Variants in TENM2 observed in about 807,000 individuals in gnomAD.
The protein encoded by TENM2 is teneurin transmembrane protein 2.
TENM2 carries 52 observed loss-of-function variants against 245.2 expected under a neutral mutation model. That is an observed-to-expected ratio of 0.21 (90% CI 0.17 to 0.27). The LOEUF is 0.27. TENM2 is among the 10% of genes least tolerant of loss of function. TENM2 has a pLI of 1.00. For synonymous variants in TENM2, 1,363 were observed against 1,438.9 expected, an observed-to-expected ratio of 0.95 and a Z score of 1.19; for missense variants, 3,046 against 3,666.8, an observed-to-expected ratio of 0.83 and a Z score of 4.37.
chr5:167,503,622 G>A (rs371070553), intron 2 of TENM2, among the ~76,000 whole-genome samples: 10 of 152,146 alleles, frequency 6.6e-5, no homozygotes, highest in East Asian at 5.8e-4. Flanking sequence ...GGCTGGGAAC[G>A]CTGGCTCATG....
intron 2 of TENM2, among the ~76,000 whole-genome samples, chr5:167,859,204 G>A (rs1178357498): frequency 1.5e-4 from 10 of 65,354 alleles, no homozygotes; most frequent in South Asian, 9.1e-4. Flanking sequence ...CGGCCGCCCC[G>A]TCTGAGAAGT....
intron 2 of TENM2, among the ~76,000 whole-genome samples, chr5:167,736,256 T>C (rs537401509): frequency 2.6e-5 from 4 of 152,200 alleles, no homozygotes; most frequent in Non-Finnish European, 5.9e-5. Flanking sequence ...CAGGAGGGGA[T>C]AAACTGCCCC....
chr5:167,974,982 G>A (rs1018579740), intron 4 of TENM2, among the ~76,000 whole-genome samples: 1 of 152,212 alleles, frequency 6.6e-6, no homozygotes. Context: ...CCCAGTTCAA[G>A]TCCAAGCCTT....
intron 5 of TENM2, among the ~76,000 whole-genome samples, chr5:168,032,317 T>C (rs1787217890): frequency 6.6e-6 from 1 of 152,234 alleles, no homozygotes; most frequent in Admixed American, 6.5e-5. Context: ...TGATTCTTAC[T>C]GAAAATTGCC....
chr5:167,458,616 GA>G (rs1207621584), intron 2 of TENM2, among the ~76,000 whole-genome samples: 2 of 150,248 alleles, frequency 1.3e-5, no homozygotes, highest in Non-Finnish European at 3.0e-5. Context: ...GTCATGCATA[GA>G]AAACTACATC....
chr5:167,840,036 G>C (rs1391503501), intron 2 of TENM2, among the ~76,000 whole-genome samples: 1 of 152,164 alleles, frequency 6.6e-6, no homozygotes, highest in Non-Finnish European at 1.5e-5. Flanking sequence ...AGCCAGGCTG[G>C]TCTCAAACTT....
chr5:168,089,675 A>G (rs554436010), intron 7 of TENM2, among the ~76,000 whole-genome samples: 14 of 152,348 alleles, frequency 9.2e-5, no homozygotes, highest in African/African-American at 2.6e-4. Flanking sequence ...TTGGCCACTT[A>G]GGAGCTGTGT....
chr5:167,518,716 G>A (rs982288833), intron 2 of TENM2, among the ~76,000 whole-genome samples: 6 of 152,242 alleles, frequency 3.9e-5, no homozygotes, highest in Admixed American at 3.9e-4. Context: ...GTCACATCAT[G>A]ACAGTGAAAG....
chr5:167,804,312 C>G (rs989002374), intron 2 of TENM2, among the ~76,000 whole-genome samples: 1 of 151,996 alleles, frequency 6.6e-6, no homozygotes, highest in Admixed American at 6.6e-5. Flanking sequence ...AAAGATAACC[C>G]TTTCTTGCCG....
intron 4 of TENM2, among the ~76,000 whole-genome samples, chr5:167,958,042 A>T (rs1234603353): frequency 1.3e-5 from 2 of 151,828 alleles, no homozygotes; most frequent in East Asian, 1.9e-4. Flanking sequence ...TAATTTTCTG[A>T]TTGTTGATCT....
chr5:168,262,117 C>A (rs1751082818), exon 29 of TENM2: 4 of 1,613,856 alleles, frequency 2.5e-6, no homozygotes, highest in African/African-American at 2.7e-5. Flanking sequence ...AAGGACAGGT[C>A]ATTACTAAAA....
At chr5:167,867,859 C>G (rs1197903668) in intron 2 of TENM2, among the ~76,000 whole-genome samples, 3 of 152,140 alleles carry the variant, frequency 2.0e-5, no homozygotes, top group Non-Finnish European at 4.4e-5. Context: ...CTGAAACTTC[C>G]CCCAGTGACA....
intron 5 of TENM2, among the ~76,000 whole-genome samples, chr5:168,007,588 G>T (rs967000305): frequency 2.0e-5 from 3 of 152,164 alleles, no homozygotes; most frequent in African/African-American, 7.2e-5. Context: ...GTATAGAAGG[G>T]CACTCAACAT....
the TENM2 span, among the ~76,000 whole-genome samples, chr5:167,147,505 A>C: frequency 6.6e-6 from 1 of 152,180 alleles, no homozygotes; most frequent in Admixed American, 6.5e-5. Context: ...TTATGATGAC[A>C]AGTTAAAAAA....
In TENM2 at chr5:167,735,404, A is replaced by G. The variant is rs184080103; in HGVS notation, c.503-140582A>G. Among the ~76,000 whole-genome samples the G allele has an allele frequency of 4.9e-3, 750 of 152,352 alleles. 1 individual carries two copies. Among genetic ancestry groups the G allele is most frequent in the Non-Finnish European group, 7.8e-3 (533 of 68,038 alleles). On this transcript the variant is annotated intron_variant, in intron 2 of 28. Coordinates refer to ENST00000518659, the Ensembl canonical transcript of TENM2. ...TTTGCTTTGTGTTAGTATGAGAAAAACTAATCAGTCAATACTAAATAAATG... is the reference window on the plus strand; with the variant it reads ...TTTGCTTTGTGTTAGTATGAGAAAAGCTAATCAGTCAATACTAAATAAATG...
chr5:167,993,065 T>C, exon 5 of TENM2: 1 of 1,614,000 alleles, frequency 6.2e-7, no homozygotes, highest in South Asian at 1.1e-5. Flanking sequence ...CAGGAATACT[T>C]TCTCCAGGAA....
chr5:167,848,985 C>G (rs571493671), intron 2 of TENM2, among the ~76,000 whole-genome samples: 1 of 152,276 alleles, frequency 6.6e-6, no homozygotes, highest in East Asian at 1.9e-4. Flanking sequence ...CAGATTACCA[C>G]AGACTTGGTG....
the TENM2 span, among the ~76,000 whole-genome samples, chr5:167,110,199 G>T: frequency 6.6e-6 from 1 of 152,164 alleles, no homozygotes; most frequent in Non-Finnish European, 1.5e-5. Flanking sequence ...ACTGAATCTG[G>T]TGATAAATCT....
chr5:167,577,109 A>G (rs1368065107), intron 2 of TENM2, among the ~76,000 whole-genome samples: 2 of 152,212 alleles, frequency 1.3e-5, no homozygotes, highest in Non-Finnish European at 2.9e-5. Flanking sequence ...AAGACGTCCC[A>G]GAGGAGCCCA....
Sources: allele counts gnomAD v4.1 joint callset (sites outside exome capture counted in the v4.1 genomes callset), GRCh38; gene constraint gnomAD v4.1.1; transcripts MANE v1.5; gene names NCBI Gene and HGNC (gene_info 2026-07-23, HGNC 2026-07-21).